The following MAST2 variants were observed in gnomAD, a reference collection of about 807,000 sequenced individuals.
MAST2 encodes the protein microtubule associated serine/threonine kinase 2, also known as microtubule-associated serine/threonine-protein kinase 2.
MAST2 carries 70 observed loss-of-function variants against 147.4 expected under a neutral mutation model. The observed-to-expected ratio is 0.47, with a 90% CI of 0.39 to 0.58. The LOEUF is 0.58. Ranked by LOEUF, MAST2 falls within the 20% of genes least tolerant of loss-of-function variation. The probability of loss-of-function intolerance (pLI) is 0.00; values close to 1 mark genes in which losing one functional copy is unlikely to be tolerated. For synonymous variants in MAST2, 869 were observed against 896.8 expected (o/e 0.97, Z 0.55); for missense variants, 2,080 against 2,302.3 (o/e 0.90, Z 1.98).
chr1:46,028,809 G>A lies in MAST2; in HGVS notation c.2094G>A (p.Leu698=), dbSNP rs1265099314. The change falls in exon 18 of 29, where the codon CTG becomes CTA. Residue 698 remains leucine (L), a synonymous_variant. Transcript: ENST00000361297. The part of the protein sequence containing the change: ...TPEYIAPEVI[L]RQGYGKPVDW... ...AATACATTGCGCCTGAGGTGATCCTGCGCCAGGGCTATGGGAAGCCAGTGG... is the reference window on the plus strand; with the variant it reads ...AATACATTGCGCCTGAGGTGATCCTACGCCAGGGCTATGGGAAGCCAGTGG... 1 of 1,614,178 alleles carries A rather than the reference G, an allele frequency of 6.2e-7. No homozygotes were observed. Among genetic ancestry groups the A allele is most frequent in the Non-Finnish European group, 8.5e-7 (1 of 1,180,026 alleles).
At chr1:45,869,850 T>A (rs924047684) in intron 3 of MAST2, among the ~76,000 whole-genome samples, 1 of 152,166 alleles carries the variant, frequency 6.6e-6, no homozygotes, top group African/African-American at 2.4e-5. Context: ...GACCTCCACC[T>A]TTTTTTAGCT....
intron 1 of MAST2, among the ~76,000 whole-genome samples, chr1:45,820,618 G>A (rs184747729): frequency 6.6e-6 from 1 of 152,030 alleles, no homozygotes; most frequent in African/African-American, 2.4e-5. Flanking sequence ...AAGTCATATA[G>A]GGAAAAAAGG....
chr1:45,892,576 T>C (rs1193269416), intron 4 of MAST2, among the ~76,000 whole-genome samples: 6 of 152,220 alleles, frequency 3.9e-5, no homozygotes, highest in Non-Finnish European at 7.3e-5. Context: ...AGTTGTCCAG[T>C]TGTCCAAGCA....
chr1:45,953,245 T>G (rs967123327), intron 4 of MAST2, among the ~76,000 whole-genome samples: 2 of 151,962 alleles, frequency 1.3e-5, no homozygotes, highest in Non-Finnish European at 2.9e-5. Context: ...AAAAACTTGA[T>G]TAATTCAAGG....
At chr1:45,866,705 C>G (rs887685657) in intron 3 of MAST2, among the ~76,000 whole-genome samples, 1 of 151,670 alleles carries the variant, frequency 6.6e-6, no homozygotes, top group African/African-American at 2.4e-5. Flanking sequence ...TTTCCTACAG[C>G]CTTATACTTA....
At chr1:45,939,989 T>TTTTGTTTTTTTTTG (rs776892902) in intron 4 of MAST2, among the ~76,000 whole-genome samples, 2 of 128,882 alleles carry the variant, frequency 1.6e-5, no homozygotes, top group African/African-American at 5.9e-5. Context: ...GGTTTTTTTT[T>TTTTGTTTTTTTTTG]TTTTTTTTTT....
At chr1:45,886,196 A>G (rs1557868313) in intron 4 of MAST2, among the ~76,000 whole-genome samples, 1 of 150,088 alleles carries the variant, frequency 6.7e-6, no homozygotes, top group Non-Finnish European at 1.5e-5. Context: ...AATGAGTGAT[A>G]CTGAGATAGA....
Position 46,035,555 on chromosome 1 carries a change from C to A in MAST2, c.4886C>A (p.Ala1629Glu). Reference protein sequence around the residue: ...AQHLHTQALTALSPSTSGLTP... With the variant: ...AQHLHTQALTELSPSTSGLTP... The stretch of plus-strand genomic sequence containing the variant: ...CACCTCCACACCCAGGCACTAACAG[C>A]ACTTTCTCCCAGCACTTCGGGACTC... The change falls in exon 29 of 29, where the codon GCA becomes GAA. Residue 1629 changes from alanine to glutamate, a missense_variant. Ala to Glu is a moderately radical substitution (Grantham distance 107). This residue lies in a region of MAST2 where 1,278 missense variants were observed against 1,304.2 expected (regional missense o/e 0.98). Coordinates refer to ENST00000361297, the MANE Select transcript of MAST2 (RefSeq NM_015112.3). This position sits in a 1 kb window ranked among gnomAD's most constrained non-coding sequence, Gnocchi z 5.5. The A allele has an allele frequency of 6.2e-7, 1 of 1,613,610 alleles. No homozygotes were observed. Among genetic ancestry groups the A allele is most frequent in the Non-Finnish European group, 8.5e-7 (1 of 1,180,004 alleles).
At chr1:45,938,526 C>T (rs949420199) in intron 4 of MAST2, among the ~76,000 whole-genome samples, 2 of 152,044 alleles carry the variant, frequency 1.3e-5, no homozygotes, top group African/African-American at 4.8e-5. Context: ...GAGGTCTCAC[C>T]ATGTTGCCTA....
In MAST2 at chr1:46,006,261, A is replaced by G. The variant is rs776538502; in HGVS notation, c.768A>G (p.Glu256=). Residue 256 remains glutamate, a synonymous_variant, in exon 8 of 29, where the codon GAA becomes GAG. Transcript: ENST00000361297. The part of the protein sequence containing the change: ...STVSSSCSSQ[E]KLHQLPFQPT... ...TCTAGTCATCATGCTCCTCACAGGA[A>G]AAGCTGCATCAGTTGCCTTTCCAGC... is the stretch of plus-strand genomic sequence containing the variant. 6.2e-7 allele frequency: 1 copy of G among 1,613,204 alleles called. No homozygotes were observed. The highest frequency in any genetic ancestry group is 8.5e-7 in the Non-Finnish European group (1 of 1,179,596).
intron 4 of MAST2, among the ~76,000 whole-genome samples, chr1:45,904,319 G>T (rs1025195098): frequency 5.3e-5 from 8 of 151,764 alleles, no homozygotes; most frequent in Non-Finnish European, 8.8e-5. Context: ...GATTACAGGC[G>T]CCTGCCACCA....
At position 46,035,356 on chromosome 1, in the gene MAST2, T is replaced by C. The variant is rs1323203880; in HGVS notation, c.4687T>C (p.Leu1563=). Residue 1563 remains leucine (L), a synonymous_variant, in exon 29 of 29, where the codon TTG becomes CTG. Transcript: ENST00000361297. The surrounding 1 kb of genome is among the most constrained non-coding windows in gnomAD (Gnocchi z 5.5). ...CCTGGGCCCAATGGTCCCAAGCCTA[T>C]TGACAGGGATCACACTGGGGCCTCC... ...RSLGPMVPSL[L]TGITLGPPRM... 2 of 1,613,378 alleles carry C rather than the reference T, an allele frequency of 1.2e-6. No individual in the cohort carries two copies. Among genetic ancestry groups the C allele is most frequent in the Non-Finnish European group, 1.7e-6 (2 of 1,179,818 alleles).
At chr1:45,935,269 G>A (rs1008905160) in intron 4 of MAST2, among the ~76,000 whole-genome samples, 9 of 151,838 alleles carry the variant, frequency 5.9e-5, no homozygotes, top group African/African-American at 2.2e-4. Flanking sequence ...GTTCAGTTAA[G>A]GTTTTTTGTA....
At chr1:45,917,620 G>A in intron 4 of MAST2, 2 of 960,346 alleles carry the variant, frequency 2.1e-6, no homozygotes, top group Non-Finnish European at 2.9e-6. Context: ...ATAATGGGGA[G>A]AAATGGAGTA....
chr1:46,033,391 A>G (rs1421072265), intron 26 of MAST2, among the ~76,000 whole-genome samples: 1 of 151,434 alleles, frequency 6.6e-6, no homozygotes, highest in Non-Finnish European at 1.5e-5. Context: ...GTGAGCTGAG[A>G]TCGCACCACT....
intron 11 of MAST2, among the ~76,000 whole-genome samples, 195 bp downstream of exon 11, chr1:46,019,892 G>A (rs1220356347): frequency 1.3e-5 from 2 of 152,218 alleles, no homozygotes; most frequent in African/African-American, 4.8e-5. Context: ...AGGGGATGCG[G>A]CAGGGAGAAT....
intron 3 of MAST2, among the ~76,000 whole-genome samples, chr1:45,859,679 T>C (rs999386908): frequency 6.6e-6 from 1 of 152,234 alleles, no homozygotes; most frequent in African/African-American, 2.4e-5. Context: ...GGGTTAGTTA[T>C]ATTTTATTCA....
chr1:45,831,217 C>T (rs1039370670), intron 3 of MAST2, among the ~76,000 whole-genome samples: 1 of 152,136 alleles, frequency 6.6e-6, no homozygotes, highest in Admixed American at 6.5e-5. Flanking sequence ...TCATCTCACA[C>T]TGTTCCCTCT....
At chr1:45,872,630 G>A (rs979847507) in intron 3 of MAST2, among the ~76,000 whole-genome samples, 2 of 152,050 alleles carry the variant, frequency 1.3e-5, no homozygotes, top group Non-Finnish European at 2.9e-5. Context: ...ACAGGCATGC[G>A]CTACCACGCC....
Sources: gnomAD v4.1 joint callset for allele counts (sites outside exome capture counted in the v4.1 genomes callset) on GRCh38, gnomAD v4.1.1 for gene constraint, gnomAD v4.1.1 regional missense constraint, Gnocchi (gnomAD v3.1) non-coding constraint, MANE v1.5 for transcripts, NCBI Gene and HGNC (gene_info 2026-07-23, HGNC 2026-07-21) for gene names.